The following KIRREL1 variants were observed in gnomAD, a reference collection of about 807,000 sequenced individuals.
The protein encoded by KIRREL1 is kin of IRRE-like protein 1.
KIRREL1 carries 25 observed loss-of-function variants against 83.3 expected under a neutral mutation model. The observed-to-expected ratio is 0.30, with a 90% CI of 0.22 to 0.42. The LOEUF (loss-of-function observed/expected upper bound fraction) is 0.42. Ranked by LOEUF, KIRREL1 falls within the 10% of genes least tolerant of loss-of-function variation. KIRREL1 has a pLI of 1.00. For missense variants in KIRREL1, 812 were observed against 1,032.3 expected (o/e 0.79, Z 2.92); for synonymous variants, 388 against 410.4 (o/e 0.95, Z 0.66).
At chr1:158,086,480 T>G (rs1662017850) in intron 4 of KIRREL1, 116 bp from the exon 5 acceptor site, 23 of 958,182 alleles carry the variant, frequency 2.4e-5, no homozygotes, top group African/African-American at 6.6e-5. Flanking sequence ...TGAAGGGGAT[T>G]GAGCTTTAAG....
At chr1:158,030,040 T>G (rs1377940015) in intron 1 of KIRREL1, among the ~76,000 whole-genome samples, 1 of 152,236 alleles carries the variant, frequency 6.6e-6, no homozygotes, top group Non-Finnish European at 1.5e-5. Flanking sequence ...AAAATCCCTG[T>G]GTATAAGGCA....
chr1:158,088,674 C>A (rs891269207), intron 8 of KIRREL1, among the ~76,000 whole-genome samples: 1 of 151,178 alleles, frequency 6.6e-6, no homozygotes, highest in Admixed American at 6.6e-5. Context: ...TTAGTAGAGA[C>A]GGGGTTTCAC....
In KIRREL1 at chr1:158,094,261, C is replaced by T. The variant is rs371400096; in HGVS notation, c.1720-52C>T. The stretch of plus-strand genomic sequence containing the variant: ...AGCGTGGGGAGGGGTTGGTGAGGGG[C>T]GAAAAGAGCAGGGCTTCCGTCTGCT... On this transcript the variant is annotated intron_variant, in intron 13 of 14. Transcript: ENST00000359209. This position sits in a 1 kb window ranked among gnomAD's most constrained non-coding sequence, Gnocchi z 4.6. 131 of 1,518,390 alleles carry T rather than the reference C, an allele frequency of 8.6e-5. No individual in the cohort carries two copies. The African/African-American group carries it at 1.4e-3, about 17-fold the overall frequency. 94.1% of individuals were successfully genotyped at this position (1,518,390 alleles called of 1,614,324 possible).
At chr1:158,052,566 T>C (rs1439115468) in intron 1 of KIRREL1, among the ~76,000 whole-genome samples, 1 of 150,964 alleles carries the variant, frequency 6.6e-6, no homozygotes, top group Non-Finnish European at 1.5e-5. Context: ...GATCACGACG[T>C]CAGGAGATCG....
intron 1 of KIRREL1, among the ~76,000 whole-genome samples, chr1:158,016,675 G>A (rs981697111): frequency 6.6e-6 from 1 of 152,186 alleles, no homozygotes; most frequent in African/African-American, 2.4e-5. Flanking sequence ...ACTGACAACC[G>A]AAACCTTCTG....
chr1:158,023,321 T>C (rs1660057392), intron 1 of KIRREL1, among the ~76,000 whole-genome samples: 1 of 152,218 alleles, frequency 6.6e-6, no homozygotes, highest in Non-Finnish European at 1.5e-5. Flanking sequence ...AATAGTATGT[T>C]TTCATTTCAG....
chr1:158,070,494 A>G (rs1390536503), intron 1 of KIRREL1, among the ~76,000 whole-genome samples: 2 of 152,218 alleles, frequency 1.3e-5, no homozygotes, highest in African/African-American at 4.8e-5. Context: ...CTGGGGTTGA[A>G]GGGTCAAGGA....
At chr1:158,090,812 C>T (rs1662175698) in intron 10 of KIRREL1, among the ~76,000 whole-genome samples, 1 of 152,220 alleles carries the variant, frequency 6.6e-6, no homozygotes, top group Non-Finnish European at 1.5e-5. Flanking sequence ...ACTATCAGAG[C>T]TGGAAGAAAT....
chr1:158,048,839 C>T (rs539457324), intron 1 of KIRREL1, among the ~76,000 whole-genome samples: 3 of 152,122 alleles, frequency 2.0e-5, no homozygotes, highest in East Asian at 1.9e-4. Flanking sequence ...TGACATTGAC[C>T]GAGAGAGTGT....
rs143407502 is a variant in KIRREL1 at position 158,078,881 on chromosome 1, T to C, written c.352+741T>C. Among the ~76,000 whole-genome samples the C allele has an allele frequency of 6.3e-3, 960 of 152,164 alleles. 10 individuals carry two copies. Among genetic ancestry groups the C allele is most frequent in the Middle Eastern group, 0.01 (3 of 294 alleles). ...CCTCTATGGTAACCCCCGAGGCCAT[T>C]TGCATAATGAGGGGACTCTCTCCTG... On this transcript the variant is annotated intron_variant, in intron 3 of 14. Coordinates refer to ENST00000359209, the MANE Select transcript of KIRREL1 (RefSeq NM_018240.7).
Position 158,013,395 on chromosome 1 carries a change from T to TTCCTGGACGATCTACCACATC in KIRREL1, c.52+19671_52+19691dup, listed in dbSNP as rs556573861. Among the ~76,000 whole-genome samples, 603 of 152,164 alleles carry TTCCTGGACGATCTACCACATC rather than the reference T, an allele frequency of 4.0e-3. 2 individuals are homozygous for TTCCTGGACGATCTACCACATC. Among genetic ancestry groups the TTCCTGGACGATCTACCACATC allele is most frequent in the Non-Finnish European group, 5.8e-3 (395 of 68,000 alleles). ...AAGCATGCCATGTTTGTGATGAGGATTCCTGGACGATCTACCACATCTCCA... is the reference window on the plus strand; with the variant it reads ...AAGCATGCCATGTTTGTGATGAGGATTCCTGGACGATCTACCACATCTCCTGGACGATCTACCACATCTCCA... On this transcript the variant is annotated intron_variant, in intron 1 of 14. Coordinates refer to ENST00000359209, the MANE Select transcript of KIRREL1 (RefSeq NM_018240.7).
intron 1 of KIRREL1, among the ~76,000 whole-genome samples, chr1:158,032,705 T>A (rs1210913684): frequency 6.6e-6 from 1 of 152,164 alleles, no homozygotes; most frequent in Non-Finnish European, 1.5e-5. Context: ...CACCTTTCAC[T>A]GCTTGTCCCC....
At position 158,033,389 on chromosome 1, in the gene KIRREL1, G is replaced by A. The variant is rs866505709; in HGVS notation, c.52+39661G>A. 5.3e-5 allele frequency among the ~76,000 whole-genome samples: 8 copies of A among 152,236 alleles called. No homozygotes were observed. In the Middle Eastern group the frequency reaches 0.017, roughly 324 times the overall value. On this transcript the variant is annotated intron_variant, in intron 1 of 14. Coordinates refer to ENST00000359209, the MANE Select transcript of KIRREL1 (RefSeq NM_018240.7). Reference sequence around the variant, plus strand: ...GCTAGGCCCCGACTCACATTTGAGAGTACCCCCACCACTATCCCCATGCCT... The same window carrying A: ...GCTAGGCCCCGACTCACATTTGAGAATACCCCCACCACTATCCCCATGCCT...
At chr1:158,003,793 C>CT (rs2101625100) in intron 1 of KIRREL1, among the ~76,000 whole-genome samples, 1 of 118,386 alleles carries the variant, frequency 8.4e-6, no homozygotes, top group South Asian at 2.5e-4. Context: ...AGGAAAATCT[C>CT]TGACTTTGAA....
intron 1 of KIRREL1, among the ~76,000 whole-genome samples, chr1:158,023,329 CAGTT>C (rs1166864633): frequency 6.6e-6 from 1 of 152,168 alleles, no homozygotes; most frequent in Non-Finnish European, 1.5e-5. Context: ...GTTTTCATTT[CAGTT>C]AGTTTCAATT....
intron 1 of KIRREL1, among the ~76,000 whole-genome samples, chr1:158,073,572 G>T (rs1661581330): frequency 6.6e-6 from 1 of 152,198 alleles, no homozygotes; most frequent in Non-Finnish European, 1.5e-5. Flanking sequence ...GTCACTGGGT[G>T]AGAAAGCCAC....
intron 1 of KIRREL1, among the ~76,000 whole-genome samples, chr1:158,043,787 C>T (rs1660704322): frequency 6.6e-6 from 1 of 152,070 alleles, no homozygotes; most frequent in Non-Finnish European, 1.5e-5. Flanking sequence ...CAGTGGTGGG[C>T]TGTGCCATGG....
chr1:158,007,448 T>C (rs1267739938), intron 1 of KIRREL1, among the ~76,000 whole-genome samples: 1 of 152,054 alleles, frequency 6.6e-6, no homozygotes. Context: ...GTGAGGGCTA[T>C]GTGGGCTGGA....
Position 158,094,422 on chromosome 1 carries a change from G to A in KIRREL1, c.1797+32G>A, listed in dbSNP as rs375795198. ...AAGGGGGAAGGGGCCAGGGCATGAG[G>A]GCTGGTGGGCCAGTGGGTTTCTGAG... On this transcript the variant is annotated intron_variant, in intron 14 of 14. Transcript: ENST00000359209. The surrounding 1 kb of genome is among the most constrained non-coding windows in gnomAD (Gnocchi z 4.6). 9 of 1,597,492 alleles carry A rather than the reference G, an allele frequency of 5.6e-6. 1 individual carries two copies. The African/African-American group carries it at 1.1e-4, about 19-fold the overall frequency.
Sources: allele counts gnomAD v4.1 joint callset (sites outside exome capture counted in the v4.1 genomes callset), GRCh38; gene constraint gnomAD v4.1.1; non-coding constraint Gnocchi (gnomAD v3.1); transcripts MANE v1.5; gene names NCBI Gene and HGNC (gene_info 2026-07-23, HGNC 2026-07-21).